Variants in ADGRL3 observed in about 807,000 individuals in gnomAD.
The protein encoded by ADGRL3 is calcium-independent alpha-latrotoxin receptor 3.
A neutral mutation model predicts 153.5 loss-of-function variants in ADGRL3; 62 were observed. That is an observed-to-expected ratio of 0.40 (90% CI 0.33 to 0.50). The LOEUF (loss-of-function observed/expected upper bound fraction) is 0.50, where lower values mean the gene tolerates loss of function less well. Among genes scored for constraint, ADGRL3 ranks in the 20% least tolerant of loss-of-function variants. ADGRL3 has a pLI of 0.47. For missense variants in ADGRL3, 1,641 were observed against 1,859.4 expected (o/e 0.88, Z 2.16); for synonymous variants, 710 against 672.5 (o/e 1.06, Z -0.86).
intron 8 of ADGRL3, among the ~76,000 whole-genome samples, chr4:61,764,076 A>T (rs1160426604): frequency 2.0e-5 from 3 of 152,212 alleles, no homozygotes; most frequent in African/African-American, 4.8e-5. Context: ...CTGGGGTTTC[A>T]GGAATATTTA....
At chr4:61,519,440 C>G (rs564980797) in intron 4 of ADGRL3, among the ~76,000 whole-genome samples, 2 of 152,206 alleles carry the variant, frequency 1.3e-5, no homozygotes, top group East Asian at 3.9e-4. Context: ...AGGTAAACGT[C>G]TTGTGATTTA....
At chr4:61,727,857 A>G (rs1030000951) in intron 6 of ADGRL3, among the ~76,000 whole-genome samples, 1 of 152,148 alleles carries the variant, frequency 6.6e-6, no homozygotes, top group African/African-American at 2.4e-5. Context: ...CATGCTTAAA[A>G]TATCAAGAAG....
chr4:61,420,666 A>G (rs1035884888), intron 2 of ADGRL3: 10 of 151,478 alleles, frequency 6.6e-5, no homozygotes, highest in African/African-American at 1.2e-4. Flanking sequence ...TCGGCCTCCC[A>G]AAGTGCTGAG....
chr4:61,655,843 G>A (rs577268893), intron 5 of ADGRL3, among the ~76,000 whole-genome samples: 4 of 152,028 alleles, frequency 2.6e-5, no homozygotes, highest in Non-Finnish European at 4.4e-5. Context: ...TAATTCAAAC[G>A]AAACAAATAG....
intron 8 of ADGRL3, among the ~76,000 whole-genome samples, chr4:61,807,884 CTTTTATT>C (rs2097568804): frequency 6.6e-6 from 1 of 152,022 alleles, no homozygotes; most frequent in African/African-American, 2.4e-5. Flanking sequence ...TAAGCGTGTA[CTTTTATT>C]TTTTATTTTA....
intron 6 of ADGRL3, among the ~76,000 whole-genome samples, chr4:61,723,345 G>A (rs768845171): frequency 2.0e-5 from 3 of 152,102 alleles, no homozygotes; most frequent in Non-Finnish European, 4.4e-5. Flanking sequence ...TGTCTCACAC[G>A]GATAAGATTA....
At chr4:61,371,734 T>A (rs1257896090) in intron 1 of ADGRL3, among the ~76,000 whole-genome samples, 1 of 152,094 alleles carries the variant, frequency 6.6e-6, no homozygotes, top group East Asian at 1.9e-4. Context: ...TCGAGGAGTA[T>A]CTTTGTGGCG....
In ADGRL3 at chr4:61,221,416, C is replaced by T. The variant is rs116485538; in HGVS notation, c.-240+19651C>T. ...GTAATATGATGTCAATATTTGTGTC[C>T]TCTTCAAGAACTGCTGTTTCAACAT... On this transcript the variant is annotated intron_variant, in intron 1 of 26. Coordinates refer to ENST00000683033, the MANE Select transcript of ADGRL3 (RefSeq NM_001387552.1). Among the ~76,000 whole-genome samples, 165 of 152,164 alleles carry T rather than the reference C, an allele frequency of 1.1e-3. 1 individual carries two copies. The highest frequency in any genetic ancestry group is 3.9e-3 in the Admixed American group (60 of 15,282).
chr4:61,916,034 CAG>C (rs2098743672), intron 13 of ADGRL3, among the ~76,000 whole-genome samples: 1 of 151,900 alleles, frequency 6.6e-6, no homozygotes, highest in Non-Finnish European at 1.5e-5. Flanking sequence ...ATGAATTATC[CAG>C]AGTTATCTTT....
chr4:61,301,260 C>A (rs2150348730), intron 1 of ADGRL3, among the ~76,000 whole-genome samples: 1 of 152,194 alleles, frequency 6.6e-6, no homozygotes, highest in Middle Eastern at 3.4e-3. Flanking sequence ...ACACAAACGA[C>A]CTTGCAATTC....
chr4:61,393,019 G>A (rs865919090), intron 2 of ADGRL3, among the ~76,000 whole-genome samples: 10 of 151,956 alleles, frequency 6.6e-5, no homozygotes, highest in African/African-American at 2.4e-4. Flanking sequence ...TTCCTATTAG[G>A]AAGAACCCTG....
chr4:61,570,651 T>C (rs1443938499), intron 4 of ADGRL3, among the ~76,000 whole-genome samples: 1 of 152,178 alleles, frequency 6.6e-6, no homozygotes, highest in Non-Finnish European at 1.5e-5. Context: ...GTTTATTTTC[T>C]GTCTCTCACA....
At chr4:61,679,217 A>T (rs1355575255) in intron 6 of ADGRL3, among the ~76,000 whole-genome samples, 1 of 151,942 alleles carries the variant, frequency 6.6e-6, no homozygotes, top group Non-Finnish European at 1.5e-5. Context: ...CCTAGACTCT[A>T]TTTAATAACC....
intron 2 of ADGRL3, among the ~76,000 whole-genome samples, chr4:61,474,645 G>A (rs999517708): frequency 2.6e-5 from 4 of 152,056 alleles, no homozygotes. Context: ...TATGAGAAAT[G>A]TCTTCATTGT....
At chr4:61,985,590 T>C (rs1388456792) in intron 19 of ADGRL3, among the ~76,000 whole-genome samples, 1 of 152,116 alleles carries the variant, frequency 6.6e-6, no homozygotes, top group Non-Finnish European at 1.5e-5. Context: ...AGTCTGAACA[T>C]GTTGGCAATA....
At chr4:61,770,326 C>G (rs748396330) in intron 8 of ADGRL3, among the ~76,000 whole-genome samples, 3 of 152,018 alleles carry the variant, frequency 2.0e-5, no homozygotes, top group Admixed American at 6.6e-5. Context: ...TTCAAAACGC[C>G]TATTATTTTT....
chr4:61,846,628 G>C (rs1232832875), intron 9 of ADGRL3, among the ~76,000 whole-genome samples: 1 of 152,004 alleles, frequency 6.6e-6, no homozygotes, highest in African/African-American at 2.4e-5. Context: ...ATGTTAGTCT[G>C]TTCTTGCTTT....
chr4:61,879,166 A>G (rs1213069707), intron 9 of ADGRL3, among the ~76,000 whole-genome samples: 1 of 152,208 alleles, frequency 6.6e-6, no homozygotes, highest in Non-Finnish European at 1.5e-5. Flanking sequence ...TAATGTTACT[A>G]TTGCTGAATA....
At chr4:61,327,309 C>G (rs1023784655) in intron 1 of ADGRL3, among the ~76,000 whole-genome samples, 14 of 145,588 alleles carry the variant, frequency 9.6e-5, no homozygotes, top group African/African-American at 3.2e-4. Context: ...GTATAAGCTA[C>G]ACATTGAGTT....
Sources: gnomAD v4.1 joint callset for allele counts (sites outside exome capture counted in the v4.1 genomes callset) on GRCh38, gnomAD v4.1.1 for gene constraint, MANE v1.5 for transcripts, NCBI Gene and HGNC (gene_info 2026-07-23, HGNC 2026-07-21) for gene names.